Variants in TACR3 observed in about 807,000 individuals in gnomAD.
The protein encoded by TACR3 is tachykinin receptor 3.
TACR3 carries 34 observed loss-of-function variants against 35.0 expected under a neutral mutation model. The ratio of observed to expected loss-of-function variants is 0.97; its 90% confidence interval spans 0.74 to 1.30. The LOEUF (loss-of-function observed/expected upper bound fraction) is 1.30, where lower values mean the gene tolerates loss of function less well. Ranked by LOEUF, TACR3 falls within the 50% of genes most tolerant of loss-of-function variation. The pLI, the probability that TACR3 is intolerant of heterozygous loss-of-function variation, is 0.00. For missense variants in TACR3, 558 were observed against 591.7 expected, an observed-to-expected ratio of 0.94 and a Z score of 0.59; for synonymous variants, 233 against 221.1, an observed-to-expected ratio of 1.05 and a Z score of -0.48.
intron 1 of TACR3, among the ~76,000 whole-genome samples, chr4:103,700,480 T>C (rs1722624306): frequency 6.6e-6 from 1 of 152,200 alleles, no homozygotes; most frequent in Non-Finnish European, 1.5e-5. Flanking sequence ...TAAAATCCTG[T>C]GTGACATAGC....
chr4:103,719,470 T>A lies in TACR3; in HGVS notation c.206A>T (p.Gln69Leu). ...CTGGTTGGTGAGGTTGGCCCAGGGCTGGGAGGGCGCGGGGGAAGCCACAGG... is the reference window on the plus strand; with the variant it reads ...CTGGTTGGTGAGGTTGGCCCAGGGCAGGGAGGGCGCGGGGGAAGCCACAGG... ...GLPVASPAPS[Q>L]PWANLTNQFV... Residue 69 changes from glutamine (Q) to leucine (L), a missense_variant, in exon 1 of 5, where the codon CAG becomes CTG. Physicochemically the swap from Gln to Leu is moderately radical, Grantham distance 113 (BLOSUM62 -2). Coordinates refer to ENST00000304883, the MANE Select transcript of TACR3 (RefSeq NM_001059.3). 6.2e-7 allele frequency: 1 copy of A among 1,613,502 alleles called. No homozygotes were observed. Among genetic ancestry groups the A allele is most frequent in the Non-Finnish European group, 8.5e-7 (1 of 1,179,490 alleles).
rs762580989 is a variant in TACR3, at chr4:103,589,963, A to C, written c.1117T>G (p.Trp373Gly). ...FRAGFKRAFR[W>G]CPFIKVSSYD... is the part of the protein sequence containing the mutation. ...CTGGAAACTTTGATGAAAGGACACCAGCGAAATGCTCTCTTGAAGCCAGCT... is the reference window on the plus strand; with the variant it reads ...CTGGAAACTTTGATGAAAGGACACCCGCGAAATGCTCTCTTGAAGCCAGCT... Residue 373 changes from tryptophan to glycine, a missense_variant, in exon 5 of 5, where the codon TGG (tryptophan) becomes GGG (glycine). Trp to Gly is a radical substitution (Grantham distance 184). Coordinates refer to ENST00000304883, the MANE Select transcript of TACR3 (RefSeq NM_001059.3). The C allele has an allele frequency of 1.2e-5, 20 of 1,613,750 alleles. No homozygotes were observed. Among genetic ancestry groups the C allele is most frequent in the Non-Finnish European group, 1.7e-5 (20 of 1,179,846 alleles).
At position 103,602,150 on chromosome 4, in the gene TACR3, T is replaced by C. The variant is rs181664320; in HGVS notation, c.889-10467A>G. 5.0e-3 allele frequency among the ~76,000 whole-genome samples: 764 copies of C among 152,334 alleles called. 5 individuals carry two copies. Among genetic ancestry groups the C allele is most frequent in the Non-Finnish European group, 8.5e-3 (578 of 68,030 alleles). On this transcript the variant is annotated intron_variant, in intron 3 of 4. Transcript: ENST00000304883. ...TTTCATTCATTTCATCTTCCATCAC[T>C]GATACCCTTTCTTCCAGTTGATCGC...
chr4:103,626,043 C>G (rs977492484), intron 3 of TACR3, among the ~76,000 whole-genome samples: 21 of 152,162 alleles, frequency 1.4e-4, no homozygotes, highest in Non-Finnish European at 2.2e-4. Flanking sequence ...GGACTTCTAG[C>G]CTCCAAGACA....
At chr4:103,661,239 G>T (rs1725832644) in intron 1 of TACR3, among the ~76,000 whole-genome samples, 1 of 151,972 alleles carries the variant, frequency 6.6e-6, no homozygotes, top group Non-Finnish European at 1.5e-5. Context: ...TTGCCATTTT[G>T]CATTTTTGAA....
chr4:103,659,918 A>AT lies in TACR3; in HGVS notation c.549-1516dup, dbSNP rs542237955. Among the ~76,000 whole-genome samples, 395 of 152,294 alleles carry AT rather than the reference A, an allele frequency of 2.6e-3. 1 individual carries two copies. Among genetic ancestry groups the AT allele is most frequent in the Middle Eastern group, 0.01 (3 of 294 alleles). ...AAACAAATTAGCTTTTTGTATTTTA[A>AT]TAAAACACGATCTTTATGTTGTTTC... On this transcript the variant is annotated intron_variant, in intron 1 of 4. Coordinates refer to ENST00000304883, the MANE Select transcript of TACR3 (RefSeq NM_001059.3).
rs191472811 is a variant in TACR3, at chr4:103,697,865, T to A, written c.548+21263A>T. Among the ~76,000 whole-genome samples, 404 of 152,334 alleles carry A rather than the reference T, an allele frequency of 2.7e-3. 1 individual carries two copies. Among genetic ancestry groups the A allele is most frequent in the Middle Eastern group, 6.8e-3 (2 of 294 alleles). Reference sequence around the variant, plus strand: ...GTATTCTATTTGTGAACTAAAACTTTAAAGCTAGTATCTTTTTGTTTCCAG... The same window carrying A: ...GTATTCTATTTGTGAACTAAAACTTAAAAGCTAGTATCTTTTTGTTTCCAG... On this transcript the variant is annotated intron_variant, in intron 1 of 4. Coordinates refer to ENST00000304883, the MANE Select transcript of TACR3 (RefSeq NM_001059.3).
intron 1 of TACR3, among the ~76,000 whole-genome samples, chr4:103,677,303 A>G (rs978592460): frequency 2.0e-5 from 3 of 146,522 alleles, no homozygotes; most frequent in Non-Finnish European, 4.5e-5. Context: ...CGGTGTGGTG[A>G]TTCCTCAAAG....
intron 1 of TACR3, among the ~76,000 whole-genome samples, chr4:103,671,262 G>A (rs937701645): frequency 1.3e-5 from 2 of 151,334 alleles, no homozygotes; most frequent in Non-Finnish European, 2.9e-5. Flanking sequence ...TTGTGGTAGT[G>A]TCTCTGCCTG....
chr4:103,689,231 C>T (rs1578258642), intron 1 of TACR3, among the ~76,000 whole-genome samples: 3 of 131,028 alleles, frequency 2.3e-5, no homozygotes, highest in East Asian at 2.3e-4. Context: ...AGGGGAACAT[C>T]ACACTCTGGG....
chr4:103,610,603 C>T (rs1724492068), intron 3 of TACR3, among the ~76,000 whole-genome samples: 1 of 152,024 alleles, frequency 6.6e-6, no homozygotes, highest in African/African-American at 2.4e-5. Flanking sequence ...TTGATTATTT[C>T]CTTTGCTGTA....
At chr4:103,699,870 C>T (rs1161312245) in intron 1 of TACR3, among the ~76,000 whole-genome samples, 1 of 146,194 alleles carries the variant, frequency 6.8e-6, no homozygotes, top group East Asian at 2.5e-4. Flanking sequence ...CCCTCAGACA[C>T]TCAGATGGCG....
chr4:103,662,267 C>T lies in TACR3; in HGVS notation c.549-3864G>A, dbSNP rs189836942. ...CTGAGTCTTGCTCTGTCGCCCAGGC[C>T]GTAAGTGCAGTGGCACGATCTTGGC... On this transcript the variant is annotated intron_variant, in intron 1 of 4. Transcript: ENST00000304883. 1.3e-4 allele frequency among the ~76,000 whole-genome samples: 20 copies of T among 150,252 alleles called. No individual in the cohort carries two copies. In the East Asian group the frequency reaches 3.7e-3, roughly 28 times the overall value.
chr4:103,683,844 G>GAGAA (rs149481187), intron 1 of TACR3, among the ~76,000 whole-genome samples: 51,499 of 150,458 alleles, frequency 0.34, 13,642 homozygotes, highest in African/African-American at 0.74. Flanking sequence ...GAGAGAAGGA[G>GAGAA]AGAGAGAGAG....
At chr4:103,677,500 A>G (rs1726195901) in intron 1 of TACR3, among the ~76,000 whole-genome samples, 1 of 152,226 alleles carries the variant, frequency 6.6e-6, no homozygotes, top group African/African-American at 2.4e-5. Flanking sequence ...AATGTGGTAC[A>G]TATACCACGG....
At chr4:103,699,644 A>C (rs1409846631) in intron 1 of TACR3, among the ~76,000 whole-genome samples, 2 of 152,188 alleles carry the variant, frequency 1.3e-5, no homozygotes, top group Non-Finnish European at 2.9e-5. Flanking sequence ...AGGTAGCAGC[A>C]GTAGGAGTCT....
chr4:103,618,564 C>CTTTTTTTTTTTTTTTTTT (rs57837921), intron 3 of TACR3, among the ~76,000 whole-genome samples: 1 of 61,446 alleles, frequency 1.6e-5, no homozygotes, highest in Non-Finnish European at 2.7e-5. Flanking sequence ...GTGACTTGGG[C>CTTTTTTTTTTTTTTTTTT]TTTTTTTTTT....
In TACR3 at chr4:103,589,817, G is replaced by T; in HGVS notation, c.1263C>A (p.Thr421=). The T allele has an allele frequency of 6.2e-7, 1 of 1,613,950 alleles. No homozygotes were observed. Among genetic ancestry groups the T allele is most frequent in the South Asian group, 1.1e-5 (1 of 91,082 alleles). ...VVFDPNDADT[T]RSSRKKRATP... ...TTGCTCTTTTCTTCCGACTGGACCTGGTGGTGTCTGCATCGTTGGGGTCAA... is the reference window on the plus strand; with the variant it reads ...TTGCTCTTTTCTTCCGACTGGACCTTGTGGTGTCTGCATCGTTGGGGTCAA... Residue 421 remains threonine, a synonymous_variant, in exon 5 of 5, where the codon ACC becomes ACA. Transcript: ENST00000304883.
At chr4:103,615,257 C>T (rs922718334) in intron 3 of TACR3, among the ~76,000 whole-genome samples, 5 of 152,040 alleles carry the variant, frequency 3.3e-5, no homozygotes, top group African/African-American at 1.2e-4. Context: ...CCATGGGTAA[C>T]ATGAAGACCG....
Sources: gnomAD v4.1 joint callset for allele counts (sites outside exome capture counted in the v4.1 genomes callset) on GRCh38, gnomAD v4.1.1 for gene constraint, MANE v1.5 for transcripts, NCBI Gene and HGNC (gene_info 2026-07-23, HGNC 2026-07-21) for gene names.